Variants in CCDC144A observed in about 807,000 individuals in gnomAD.
CCDC144A encodes coiled-coil domain containing 144A, also known as coiled-coil domain-containing protein 144A.
In CCDC144A, 41 loss-of-function variants were observed where a neutral mutation model predicts 143.8. The ratio of observed to expected loss-of-function variants is 0.29; its 90% confidence interval spans 0.22 to 0.37. The LOEUF (loss-of-function observed/expected upper bound fraction) is 0.37, where lower values mean the gene tolerates loss of function less well. CCDC144A is among the 10% of genes least tolerant of loss of function. The probability of loss-of-function intolerance (pLI) is 1.00; values close to 1 mark genes in which losing one functional copy is unlikely to be tolerated. For synonymous variants in CCDC144A, 242 were observed against 517.9 expected (o/e 0.47, Z 7.23); for missense variants, 637 against 1,488.8 (o/e 0.43, Z 9.41).
At chr17:16,682,978 T>C in the CCDC144A span, among the ~76,000 whole-genome samples, 1 of 133,016 alleles carries the variant, frequency 7.5e-6, no homozygotes, top group Non-Finnish European at 1.6e-5. Flanking sequence ...CTCAGCTCAC[T>C]GCAACCTCTG....
At chr17:16,697,902 C>T (rs1597531688) in intron 2 of CCDC144A, among the ~76,000 whole-genome samples, 1 of 152,116 alleles carries the variant, frequency 6.6e-6, no homozygotes, top group African/African-American at 2.4e-5. Flanking sequence ...CTGGCTTGTG[C>T]CCTAGCATTT....
At chr17:16,767,509 G>A (rs1278416099) in intron 15 of CCDC144A, among the ~76,000 whole-genome samples, 3 of 142,366 alleles carry the variant, frequency 2.1e-5, no homozygotes, top group Non-Finnish European at 4.6e-5. Context: ...ACAAAAAAAG[G>A]TAGGGGGTGG....
chr17:16,709,455 T>G lies in CCDC144A; in HGVS notation c.1398T>G (p.Tyr466Ter). The part of the protein sequence containing the change: ...QNSDSGSTNN[Y>*]KSLKPKLENL... ...GTGACAGTGGCAGTACAAACAACTA[T>G]AAAAGCCTGAAACCTAAATTAGAAA... is the stretch of plus-strand genomic sequence containing the variant. Residue 466 changes from tyrosine (Y) to a stop codon, truncating the protein, a stop_gained, in exon 5 of 17, where the codon TAT becomes TAG. Transcript: ENST00000399273. LOFTEE classifies it high-confidence loss of function. 1.2e-6 allele frequency: 2 copies of G among 1,611,614 alleles called. No individual in the cohort carries two copies. Among genetic ancestry groups the G allele is most frequent in the Non-Finnish European group, 1.7e-6 (2 of 1,179,638 alleles).
chr17:16,682,889 T>TTG, the CCDC144A span, among the ~76,000 whole-genome samples: 2 of 67,962 alleles, frequency 2.9e-5, no homozygotes, highest in African/African-American at 1.7e-4. Context: ...CTCTGTTTTT[T>TTG]TTTTTTTTTT....
At chr17:16,707,888 G>T (rs1344165298) in intron 4 of CCDC144A, among the ~76,000 whole-genome samples, 2 of 152,106 alleles carry the variant, frequency 1.3e-5, no homozygotes, top group African/African-American at 4.8e-5. Flanking sequence ...TAACAGTGAT[G>T]GCCACTGAGT....
In CCDC144A at chr17:16,776,071, T is replaced by C. The variant is rs1337207811; in HGVS notation, c.*2438T>C. 1 of 152,254 alleles carries C rather than the reference T, an allele frequency of 6.6e-6. No individual in the cohort carries two copies. The highest frequency in any genetic ancestry group is 6.5e-5 in the Admixed American group (1 of 15,276). The allele number at this position is 152,254 out of a possible 1,614,324, so 9.4% of individuals were successfully genotyped here. A position where few individuals can be genotyped will look rare whatever the true frequency, so the allele number is the denominator to read the frequency against. On this transcript the variant is annotated 3_prime_UTR_variant, in exon 17 of 17. Transcript: ENST00000399273. ...TCTGTTCCATTGGTCTATGTGTCGGTTCTTGTACCAGCACTATGCTGTTTT... is the reference window on the plus strand; with the variant it reads ...TCTGTTCCATTGGTCTATGTGTCGGCTCTTGTACCAGCACTATGCTGTTTT...
chr17:16,756,358 A>G (rs2094629549), intron 12 of CCDC144A, among the ~76,000 whole-genome samples: 1 of 152,060 alleles, frequency 6.6e-6, no homozygotes, highest in Non-Finnish European at 1.5e-5. Flanking sequence ...CCTCTCTTCA[A>G]GTTCAGAAAT....
Position 16,762,728 on chromosome 17 carries a change from C to T in CCDC144A, c.3887+195C>T, listed in dbSNP as rs1403608607. Among the ~76,000 whole-genome samples, 6 of 152,236 alleles carry T rather than the reference C, an allele frequency of 3.9e-5. No individual in the cohort carries two copies. The East Asian group carries it at 7.7e-4, about 20-fold the overall frequency. ...AGTAAAATTGAAAATAGTAAATGAA[C>T]GTAACCTTTAAAATCTTAGTCCAGG... On this transcript the variant is annotated intron_variant, in intron 14 of 16. Coordinates refer to ENST00000399273, the MANE Select transcript of CCDC144A (RefSeq NM_001382000.1).
Position 16,709,059 on chromosome 17 carries a change from C to T in CCDC144A, c.1002C>T (p.Pro334=). Residue 334 remains proline, a synonymous_variant, in exon 5 of 17, where the codon CCC becomes CCT. Transcript: ENST00000399273. ...STRGTDVKDI[P]FNLTNNIPGC... ...GAGGAACAGATGTAAAGGATATTCC[C>T]TTTAATTTGACAAATAACATACCTG... 1 of 1,611,576 alleles carries T rather than the reference C, an allele frequency of 6.2e-7. No individual in the cohort carries two copies. The highest frequency in any genetic ancestry group is 8.5e-7 in the Non-Finnish European group (1 of 1,179,620).
At position 16,718,837 on chromosome 17, in the gene CCDC144A, T is replaced by G. The variant is rs1229019833; in HGVS notation, c.1716-1361T>G. 7.9e-5 allele frequency among the ~76,000 whole-genome samples: 10 copies of G among 127,348 alleles called. 1 individual carries two copies. The highest frequency in any genetic ancestry group is 1.1e-4 in the Non-Finnish European group (7 of 61,896). 83.5% of individuals were successfully genotyped at this position (127,348 alleles called of 152,430 possible). On this transcript the variant is annotated intron_variant, in intron 6 of 16. Coordinates refer to ENST00000399273, the MANE Select transcript of CCDC144A (RefSeq NM_001382000.1). ...TTACTTCTGGATTATAAAGTGTTTTTTTTTTTTTTTTTGAGACAGAGTCTT... is the reference window on the plus strand; with the variant it reads ...TTACTTCTGGATTATAAAGTGTTTTGTTTTTTTTTTTTGAGACAGAGTCTT...
intron 12 of CCDC144A, among the ~76,000 whole-genome samples, chr17:16,739,903 A>C (rs1279819011): frequency 6.6e-6 from 1 of 150,766 alleles, no homozygotes; most frequent in Non-Finnish European, 1.5e-5. Context: ...TTCTTGAAGG[A>C]GTGTATGGCC....
chr17:16,678,077 T>C, the CCDC144A span, among the ~76,000 whole-genome samples: 4 of 152,080 alleles, frequency 2.6e-5, no homozygotes, highest in African/African-American at 9.7e-5. Context: ...ATGGCTACTA[T>C]GCTTTAAAAT....
chr17:16,740,807 A>C (rs184203794), intron 12 of CCDC144A, among the ~76,000 whole-genome samples: 2,425 of 152,338 alleles, frequency 0.016, 71 homozygotes, highest in African/African-American at 0.056. Context: ...AATCAGGTAC[A>C]ATGTCTGATT....
chr17:16,773,256 C>G (rs1253502966), intron 16 of CCDC144A, among the ~76,000 whole-genome samples: 3 of 151,820 alleles, frequency 2.0e-5, no homozygotes, highest in African/African-American at 7.3e-5. Context: ...TGAGAGCAGC[C>G]TGTGCCAACA....
rs538551939 is a variant in CCDC144A, at chr17:16,740,321, T to C, written c.3372+4678T>C. 6.9e-3 allele frequency among the ~76,000 whole-genome samples: 1,053 copies of C among 152,282 alleles called. 17 individuals carry two copies. Among genetic ancestry groups the C allele is most frequent in the African/African-American group, 0.024 (1,004 of 41,532 alleles). On this transcript the variant is annotated intron_variant, in intron 12 of 16. Transcript: ENST00000399273. ...ATACTACATTCTCAGAAACCAGAGT[T>C]CCCTGCATTTACCTCCTTTTGCTTA... is the stretch of plus-strand genomic sequence containing the variant.
the CCDC144A span, among the ~76,000 whole-genome samples, chr17:16,670,138 G>A: frequency 6.6e-6 from 1 of 151,696 alleles, no homozygotes; most frequent in South Asian, 2.1e-4. Context: ...CTGAGATCAC[G>A]CCACTGCACT....
chr17:16,691,178 C>T (rs1185714065), intron 1 of CCDC144A, among the ~76,000 whole-genome samples: 1 of 151,894 alleles, frequency 6.6e-6, no homozygotes, highest in East Asian at 2.0e-4. Context: ...TGAAACCCCG[C>T]CTGTTATGCT....
intron 12 of CCDC144A, among the ~76,000 whole-genome samples, chr17:16,740,090 TTA>T (rs1445452772): frequency 6.6e-6 from 1 of 152,174 alleles, no homozygotes; most frequent in Non-Finnish European, 1.5e-5. Flanking sequence ...ATTTACTGCA[TTA>T]TGTTTTTATT....
At chr17:16,667,664 T>C in the CCDC144A span, among the ~76,000 whole-genome samples, 1 of 152,088 alleles carries the variant, frequency 6.6e-6, no homozygotes, top group Non-Finnish European at 1.5e-5. Flanking sequence ...TTGCATTCTA[T>C]TGGCAAGAAT....
Sources: gnomAD v4.1 joint callset for allele counts (sites outside exome capture counted in the v4.1 genomes callset) on GRCh38, gnomAD v4.1.1 for gene constraint, MANE v1.5 for transcripts, NCBI Gene and HGNC (gene_info 2026-07-23, HGNC 2026-07-21) for gene names.